Variants in DPP6 observed in about 807,000 individuals in gnomAD.
DPP6 encodes dipeptidyl peptidase like 6, also known as A-type potassium channel modulatory protein DPP6.
In DPP6, 69 loss-of-function variants were observed where a neutral mutation model predicts 122.6. The observed-to-expected ratio is 0.56, with a 90% CI of 0.46 to 0.69. The LOEUF is 0.69. Among genes scored for constraint, DPP6 ranks in the 30% least tolerant of loss-of-function variants. The pLI is 0.00. For missense variants in DPP6, 928 were observed against 1,116.9 expected, an observed-to-expected ratio of 0.83 and a Z score of 2.41; for synonymous variants, 418 against 433.1, an observed-to-expected ratio of 0.97 and a Z score of 0.43.
At chr7:153,871,172 C>A in the DPP6 span, among the ~76,000 whole-genome samples, 16 of 152,350 alleles carry the variant, frequency 1.1e-4, no homozygotes, top group South Asian at 3.3e-3. Context: ...TACTCTCTTT[C>A]AAAGCTGTCA....
intron 1 of DPP6, among the ~76,000 whole-genome samples, chr7:154,415,213 A>G (rs977851042): frequency 6.6e-6 from 1 of 152,192 alleles, no homozygotes; most frequent in African/African-American, 2.4e-5. Flanking sequence ...TTATATTCAC[A>G]TGTAGAAGAC....
chr7:154,061,761 T>G (rs879122176), intron 1 of DPP6, among the ~76,000 whole-genome samples: 4 of 79,464 alleles, frequency 5.0e-5, no homozygotes, highest in African/African-American at 9.3e-5. Context: ...CCTGGCTCTT[T>G]GCACCCCCAT....
chr7:154,516,155 G>T (rs1275484710), intron 3 of DPP6, among the ~76,000 whole-genome samples: 1 of 152,054 alleles, frequency 6.6e-6, no homozygotes, highest in East Asian at 1.9e-4. Flanking sequence ...CACCAGCTCT[G>T]TTTAATGTAA....
At chr7:154,065,992 C>T (rs927090859) in intron 1 of DPP6, among the ~76,000 whole-genome samples, 4 of 151,742 alleles carry the variant, frequency 2.6e-5, no homozygotes, top group Non-Finnish European at 5.9e-5. Flanking sequence ...TAAGCCTCAC[C>T]TTCATACTTC....
intron 3 of DPP6, among the ~76,000 whole-genome samples, chr7:154,494,191 A>G (rs946553933): frequency 6.6e-6 from 1 of 151,976 alleles, no homozygotes; most frequent in African/African-American, 2.4e-5. Flanking sequence ...TCATTTCTAC[A>G]AAAAATTTGT....
At chr7:154,881,128 T>C (rs1012849272) in intron 21 of DPP6, 186 bp downstream of exon 21, 3 of 1,044,590 alleles carry the variant, frequency 2.9e-6, no homozygotes, top group African/African-American at 3.2e-5. Context: ...CAGCTCATTT[T>C]CCTAAGTTTC....
chr7:154,256,880 T>C (rs915938194), intron 1 of DPP6, among the ~76,000 whole-genome samples: 3 of 152,200 alleles, frequency 2.0e-5, no homozygotes, highest in Non-Finnish European at 2.9e-5. Flanking sequence ...ATTGCCACCA[T>C]AGTTCCTTCT....
At chr7:154,200,504 G>C (rs942003486) in intron 1 of DPP6, among the ~76,000 whole-genome samples, 1 of 152,078 alleles carries the variant, frequency 6.6e-6, no homozygotes, top group African/African-American at 2.4e-5. Flanking sequence ...TGAGCCGCTG[G>C]GGAAAAGGTT....
chr7:154,510,763 G>A (rs974751733), intron 3 of DPP6, among the ~76,000 whole-genome samples: 2 of 151,800 alleles, frequency 1.3e-5, no homozygotes, highest in African/African-American at 4.8e-5. Flanking sequence ...AAGTAAGAGG[G>A]TAAGGAGGTT....
intron 1 of DPP6, among the ~76,000 whole-genome samples, chr7:154,366,503 A>G (rs1455984123): frequency 2.0e-5 from 3 of 152,212 alleles, no homozygotes; most frequent in African/African-American, 7.2e-5. Flanking sequence ...ACGTTCATGG[A>G]AAGAAATTTA....
chr7:153,857,624 A>G, the DPP6 span, among the ~76,000 whole-genome samples: 33 of 152,314 alleles, frequency 2.2e-4, no homozygotes, highest in Admixed American at 1.2e-3. Flanking sequence ...GCCAGCTGCC[A>G]CTGTTCATGC....
intron 3 of DPP6, among the ~76,000 whole-genome samples, chr7:154,510,339 G>A (rs1396838046): frequency 6.6e-6 from 1 of 152,116 alleles, no homozygotes; most frequent in Non-Finnish European, 1.5e-5. Flanking sequence ...TATACAAATG[G>A]AGCTAACCTC....
At chr7:154,036,016 G>GCA (rs1563120500) in intron 1 of DPP6, among the ~76,000 whole-genome samples, 8 of 57,648 alleles carry the variant, frequency 1.4e-4, no homozygotes, top group Non-Finnish European at 2.7e-4. Context: ...TTACGCGCGC[G>GCA]CGCTTGTGTG....
chr7:154,375,554 T>C (rs1269337359), intron 1 of DPP6, among the ~76,000 whole-genome samples: 1 of 152,148 alleles, frequency 6.6e-6, no homozygotes, highest in Non-Finnish European at 1.5e-5. Flanking sequence ...GGCCCCATGA[T>C]GGGATCAGTA....
At chr7:153,853,985 C>T in the DPP6 span, among the ~76,000 whole-genome samples, 2 of 148,504 alleles carry the variant, frequency 1.3e-5, no homozygotes, top group South Asian at 2.2e-4. Context: ...TTAGGTCTAA[C>T]GTTTAAATCT....
At chr7:154,149,895 G>T (rs1315186252) in intron 1 of DPP6, among the ~76,000 whole-genome samples, 1 of 152,048 alleles carries the variant, frequency 6.6e-6, no homozygotes, top group South Asian at 2.1e-4. Context: ...TCAGACCACC[G>T]GGAAAGTTCC....
intron 1 of DPP6, among the ~76,000 whole-genome samples, chr7:154,174,873 TC>T (rs1797715976): frequency 6.9e-6 from 1 of 144,584 alleles, no homozygotes; most frequent in Non-Finnish European, 1.5e-5. Flanking sequence ...TTTCTTTCTT[TC>T]TTTCTTTTTT....
chr7:154,582,279 G>A lies in DPP6; in HGVS notation c.627+15363G>A, dbSNP rs546298216. On this transcript the variant is annotated intron_variant, in intron 5 of 25. Transcript: ENST00000377770. Reference sequence around the variant, plus strand: ...ATGAGGAATTGTGCTGGTTAGCCACGGGCATGTCCTGAGGATAATTATTTG... The same window carrying A: ...ATGAGGAATTGTGCTGGTTAGCCACAGGCATGTCCTGAGGATAATTATTTG... Among the ~76,000 whole-genome samples the A allele has an allele frequency of 5.3e-5, 8 of 152,310 alleles. 1 individual carries two copies. The South Asian group carries it at 1.0e-3, about 20-fold the overall frequency.
the DPP6 span, among the ~76,000 whole-genome samples, chr7:153,816,225 C>T: frequency 6.6e-6 from 1 of 152,142 alleles, no homozygotes; most frequent in Non-Finnish European, 1.5e-5. Flanking sequence ...TATAGTTTTA[C>T]TGTATAATAA....
Sources: allele counts gnomAD v4.1 joint callset (sites outside exome capture counted in the v4.1 genomes callset), GRCh38; gene constraint gnomAD v4.1.1; transcripts MANE v1.5; gene names NCBI Gene and HGNC (gene_info 2026-07-23, HGNC 2026-07-21).